PDE6B: variants seen among roughly 807,000 people sequenced by gnomAD.
The protein encoded by PDE6B is rod cGMP-specific 3',5'-cyclic phosphodiesterase subunit beta.
PDE6B carries 106 observed loss-of-function variants against 109.0 expected under a neutral mutation model. The ratio of observed to expected loss-of-function variants is 0.97; its 90% CI spans 0.83 to 1.14. The LOEUF (loss-of-function observed/expected upper bound fraction) is 1.14, where lower values mean the gene tolerates loss of function less well. PDE6B is among the 50% of genes most tolerant of loss of function. The probability of loss-of-function intolerance (pLI) is 0.00; values close to 1 mark genes in which losing one functional copy is unlikely to be tolerated. For missense variants in PDE6B, 1,193 were observed against 1,155.6 expected, an observed-to-expected ratio of 1.03 and a Z score of -0.47; for synonymous variants, 490 against 471.3, an observed-to-expected ratio of 1.04 and a Z score of -0.51.
rs574495662 is a variant in PDE6B at position 670,033 on chromosome 4, T to A, written c.2504-13T>A. 1 of 1,611,058 alleles carries A rather than the reference T, an allele frequency of 6.2e-7. No individual in the cohort carries two copies. Among genetic ancestry groups the A allele is most frequent in the East Asian group, 2.2e-5 (1 of 44,868 alleles). ...AGGTGGTTCCACTCACCATCTTCTG[T>A]CTTCTCTTGCAGTAGGCACAGAAAT... On this transcript the variant is annotated splice_polypyrimidine_tract_variant and intron_variant, in intron 21 of 21. Coordinates refer to ENST00000496514, the MANE Select transcript of PDE6B (RefSeq NM_000283.4).
At chr4:645,944 T>G (rs1482645577) in intron 3 of PDE6B, among the ~76,000 whole-genome samples, 1 of 152,132 alleles carries the variant, frequency 6.6e-6, no homozygotes, top group African/African-American at 2.4e-5. Flanking sequence ...TTCTGCCATT[T>G]ATTTTACTTA....
chr4:664,194 T>C lies in PDE6B; in HGVS notation c.2102T>C (p.Leu701Pro). ...AAGAGCTGGGTGGAGTACCTGTCCC[T>C]GGAGACGACCCGGAAGGAGATCGTC... Reference protein sequence around the residue: ...DKKSWVEYLSLETTRKEIVMA... With the variant: ...DKKSWVEYLSPETTRKEIVMA... The change falls in exon 17 of 22, where the codon CTG (leucine) becomes CCG (proline). Residue 701 changes from leucine to proline, a missense_variant. Leu to Pro is a moderately conservative substitution (Grantham distance 98). Transcript: ENST00000496514. The C allele has an allele frequency of 6.2e-7, 1 of 1,607,296 alleles. No homozygotes were observed. Among genetic ancestry groups the C allele is most frequent in the Non-Finnish European group, 8.5e-7 (1 of 1,174,236 alleles).
Position 662,168 on chromosome 4 carries a change from G to T in PDE6B, c.1649G>T (p.Gly550Val). The T allele has an allele frequency of 1.3e-6, 2 of 1,578,066 alleles. No individual in the cohort carries two copies. Among genetic ancestry groups the T allele is most frequent in the Non-Finnish European group, 1.7e-6 (2 of 1,161,828 alleles). The change falls in exon 13 of 22, where the codon GGG (glycine) becomes GTG (valine). Residue 550 changes from glycine (G) to valine (V), a missense_variant. By Grantham distance (109) the Gly-to-Val change is moderately radical. Coordinates refer to ENST00000496514, the MANE Select transcript of PDE6B (RefSeq NM_000283.4). The surrounding 1 kb of genome is among the most constrained non-coding windows in gnomAD (Gnocchi z 4.3). ...CGGTTCCTGTTCTCCATCAGCAAAG[G>T]GTACCGGAGAATCACCTACCACAAC... is the stretch of plus-strand genomic sequence containing the variant. ...LVRFLFSISK[G>V]YRRITYHNWR...
rs1378765637 is a variant in PDE6B at position 626,596 on chromosome 4, G to A, written c.468+502G>A. Among the ~76,000 whole-genome samples the A allele has an allele frequency of 6.6e-6, 1 of 152,220 alleles. No individual in the cohort carries two copies. Among genetic ancestry groups the A allele is most frequent in the Non-Finnish European group, 1.5e-5 (1 of 68,048 alleles). On this transcript the variant is annotated intron_variant, in intron 1 of 21. Transcript: ENST00000496514. This position sits in a 1 kb window ranked among gnomAD's most constrained non-coding sequence, Gnocchi z 4.6. Reference sequence around the variant, plus strand: ...CAGGGGAACCCCAAACTTCCACTGTGGCAGAAGCAGCTTTATCCCATGGGA... The same window carrying A: ...CAGGGGAACCCCAAACTTCCACTGTAGCAGAAGCAGCTTTATCCCATGGGA...
chr4:637,642 C>A (rs1482965773), intron 3 of PDE6B, among the ~76,000 whole-genome samples: 16 of 152,240 alleles, frequency 1.1e-4, no homozygotes, highest in Non-Finnish European at 4.4e-5. Context: ...GGAGCCGCGG[C>A]CTGGGGGCCG....
rs759541024 is a variant in PDE6B, at chr4:635,975, C to G, written c.711+6C>G. ...GCGAGACGCGCCGCGGCCAGGTACC[C>G]ACACGCTGAGCACAGCTCTGCCCAC... On this transcript the variant is annotated splice_donor_region_variant and intron_variant, in intron 3 of 21. Coordinates refer to ENST00000496514, the MANE Select transcript of PDE6B (RefSeq NM_000283.4). 3 of 1,554,234 alleles carry G rather than the reference C, an allele frequency of 1.9e-6. No homozygotes were observed. In the African/African-American group the frequency reaches 4.1e-5, roughly 21 times the overall value.
Position 670,275 on chromosome 4 carries a change from C to T in PDE6B, c.*168C>T, listed in dbSNP as rs1738372494. 6 of 951,508 alleles carry T rather than the reference C, an allele frequency of 6.3e-6. No homozygotes were observed. The highest frequency in any genetic ancestry group is 8.8e-6 in the Non-Finnish European group (6 of 684,870). 58.9% of individuals were successfully genotyped at this position (951,508 alleles called of 1,614,324 possible). On this transcript the variant is annotated 3_prime_UTR_variant, in exon 22 of 22. Coordinates refer to ENST00000496514, the MANE Select transcript of PDE6B (RefSeq NM_000283.4). ...TTTTTTTTTTTGAGATGGAGTCTTGCTCTGTCACCCAGGCTGGAGTGCCGT... is the reference window on the plus strand; with the variant it reads ...TTTTTTTTTTTGAGATGGAGTCTTGTTCTGTCACCCAGGCTGGAGTGCCGT...
chr4:670,734 A>G lies in PDE6B; in HGVS notation c.*627A>G, dbSNP rs1465463486. ...ACACAGGCCGTTTCTCATCCAGTTT[A>G]GGAAAACACACATGCTCAGGAATTC... On this transcript the variant is annotated 3_prime_UTR_variant, in exon 22 of 22. Transcript: ENST00000496514. 6.5e-6 allele frequency: 1 copy of G among 153,102 alleles called. No homozygotes were observed. Among genetic ancestry groups the G allele is most frequent in the Admixed American group, 6.5e-5 (1 of 15,390 alleles). 9.5% of individuals were successfully genotyped at this position (153,102 alleles called of 1,614,324 possible).
rs1467774295 is a variant in PDE6B at position 666,170 on chromosome 4, G to A, written c.2269-361G>A. On this transcript the variant is annotated intron_variant, in intron 19 of 21. Transcript: ENST00000496514. The surrounding 1 kb of genome is among the most constrained non-coding windows in gnomAD (Gnocchi z 5.6). ...GTGCACAGCGAGGTCCTGGTCAGCC[G>A]AGTGTCTGGGCAGTGCAGCCCAGCC... Among the ~76,000 whole-genome samples the A allele has an allele frequency of 2.0e-5, 3 of 152,160 alleles. No homozygotes were observed. The highest frequency in any genetic ancestry group is 7.2e-5 in the African/African-American group (3 of 41,444).
intron 3 of PDE6B, chr4:653,021 TA>T: frequency 4.6e-6 from 1 of 216,926 alleles, no homozygotes; most frequent in Non-Finnish European, 7.9e-6. Context: ...CAACTGAAGA[TA>T]AACTAAAATC....
intron 12 of PDE6B, chr4:661,818 G>T: frequency 2.4e-6 from 1 of 411,708 alleles, no homozygotes; most frequent in Non-Finnish European, 4.6e-6. Flanking sequence ...AAAATATGCT[G>T]CATCCCCAGG....
rs1251527113 is a variant in PDE6B at position 660,578 on chromosome 4, C to G, written c.1579C>G (p.Leu527Val). ...VKCGIQMYYE[L>V]GVVRKFQIPQ... The stretch of plus-strand genomic sequence containing the variant: ...ATGTGGCATCCAGATGTACTACGAG[C>G]TGGGCGTGGTCCGAAAGTTCCAGAT... The change falls in exon 12 of 22, where the codon CTG becomes GTG. Residue 527 changes from leucine (L) to valine (V), a missense_variant. Physicochemically the swap from Leu to Val is conservative, Grantham distance 32 (BLOSUM62 1). Coordinates refer to ENST00000496514, the MANE Select transcript of PDE6B (RefSeq NM_000283.4). The G allele has an allele frequency of 6.2e-7, 1 of 1,613,818 alleles. No individual in the cohort carries two copies.
chr4:659,833 T>G (rs1736853428), intron 11 of PDE6B, among the ~76,000 whole-genome samples: 1 of 152,208 alleles, frequency 6.6e-6, no homozygotes, highest in Admixed American at 6.5e-5. Flanking sequence ...AGACGATTGC[T>G]GGATCAATGT....
In PDE6B at chr4:642,684, A is replaced by G. The variant is rs1268764992; in HGVS notation, c.711+6715A>G. On this transcript the variant is annotated intron_variant, in intron 3 of 21. Coordinates refer to ENST00000496514, the MANE Select transcript of PDE6B (RefSeq NM_000283.4). ...GGTGGTGTGTGCCAGCAGTCCCAGC[A>G]ACTCGCCACTGCACTCCAACCTGGA... 4.1e-5 allele frequency among the ~76,000 whole-genome samples: 6 copies of G among 145,544 alleles called. No individual in the cohort carries two copies. In the South Asian group the frequency reaches 1.3e-3, roughly 32 times the overall value.
chr4:662,151 G>A lies in PDE6B; in HGVS notation c.1632G>A (p.Leu544=), dbSNP rs753504550. Residue 544 remains leucine (L), a synonymous_variant, in exon 13 of 22, where the codon CTG becomes CTA. Coordinates refer to ENST00000496514, the MANE Select transcript of PDE6B (RefSeq NM_000283.4). This position sits in a 1 kb window ranked among gnomAD's most constrained non-coding sequence, Gnocchi z 4.3. The part of the protein sequence containing the change: ...QIPQEVLVRF[L]FSISKGYRRI... ...TCCCCCAGGTCCTGGTGCGGTTCCT[G>A]TTCTCCATCAGCAAAGGGTACCGGA... 28 of 1,566,338 alleles carry A rather than the reference G, an allele frequency of 1.8e-5. No individual in the cohort carries two copies. Among genetic ancestry groups the A allele is most frequent in the South Asian group, 7.0e-5 (6 of 85,772 alleles).
chr4:657,489 A>G lies in PDE6B; in HGVS notation c.1396A>G (p.Ile466Val). Residue 466 changes from isoleucine (I) to valine (V), a missense_variant, in exon 10 of 22, where the codon ATC becomes GTC. Physicochemically the swap from Ile to Val is conservative, Grantham distance 29. Transcript: ENST00000496514. Reference protein sequence around the residue: ...VKCDRDEIQLILPTRARLGKE... With the variant: ...VKCDRDEIQLVLPTRARLGKE... ...GTGCGACAGGGACGAGATCCAGCTC[A>G]TCCTGGTGCGGCGGGGCAGGACGTC... The G allele has an allele frequency of 6.2e-7, 1 of 1,612,758 alleles. No homozygotes were observed. The highest frequency in any genetic ancestry group is 8.5e-7 in the Non-Finnish European group (1 of 1,179,496).
At chr4:645,371 C>G (rs1026733603) in intron 3 of PDE6B, among the ~76,000 whole-genome samples, 1 of 149,578 alleles carries the variant, frequency 6.7e-6, no homozygotes, top group African/African-American at 2.5e-5. Context: ...TCTCGGCTCA[C>G]TGCAAGCTCC....
intron 21 of PDE6B, among the ~76,000 whole-genome samples, chr4:668,495 A>C (rs1738067126): frequency 8.4e-6 from 1 of 118,570 alleles, no homozygotes; most frequent in African/African-American, 3.4e-5. Flanking sequence ...CCACTACCCC[A>C]TGCTATTCCC....
Position 664,206 on chromosome 4 carries a change from G to A in PDE6B, c.2114G>A (p.Arg705Gln), listed in dbSNP as rs200397909. The A allele has an allele frequency of 1.1e-5, 18 of 1,599,194 alleles. No homozygotes were observed. The East Asian group carries it at 3.1e-4, about 28-fold the overall frequency. The change falls in exon 17 of 22, where the codon CGG becomes CAG. Residue 705 changes from arginine to glutamine, a missense_variant. Physicochemically the swap from Arg to Gln is conservative, Grantham distance 43. Coordinates refer to ENST00000496514, the MANE Select transcript of PDE6B (RefSeq NM_000283.4). ...WVEYLSLETT[R>Q]KEIVMAMMMT... ...GAGTACCTGTCCCTGGAGACGACCC[G>A]GAAGGAGATCGTCATGTGAGCGCGG...
Sources: allele counts gnomAD v4.1 joint callset (sites outside exome capture counted in the v4.1 genomes callset), GRCh38; gene constraint gnomAD v4.1.1; non-coding constraint Gnocchi (gnomAD v3.1); transcripts MANE v1.5; gene names NCBI Gene and HGNC (gene_info 2026-07-23, HGNC 2026-07-21).